The following RGS7 variants were observed in gnomAD, a reference collection of about 807,000 sequenced individuals.
The protein encoded by RGS7 is regulator of G-protein signaling 7.
In RGS7, 27 loss-of-function variants were observed where a neutral mutation model predicts 81.1. The ratio of observed to expected loss-of-function variants is 0.33; its 90% CI spans 0.25 to 0.46. The LOEUF is 0.46. Among genes scored for constraint, RGS7 ranks in the 20% least tolerant of loss-of-function variants. RGS7 has a pLI of 1.00. For synonymous variants in RGS7, 208 were observed against 207.7 expected, an observed-to-expected ratio of 1.00 and a Z score of -0.01; for missense variants, 396 against 607.4, an observed-to-expected ratio of 0.65 and a Z score of 3.66.
At chr1:241,352,215 C>A (rs1045800645) in intron 2 of RGS7, among the ~76,000 whole-genome samples, 2 of 152,212 alleles carry the variant, frequency 1.3e-5, no homozygotes, top group Non-Finnish European at 2.9e-5. Flanking sequence ...GTCACCTCTA[C>A]AGATTCTTCA....
intron 6 of RGS7, among the ~76,000 whole-genome samples, chr1:240,917,914 A>G (rs1440436617): frequency 6.6e-6 from 1 of 152,206 alleles, no homozygotes; most frequent in Non-Finnish European, 1.5e-5. Context: ...AGGATGAGGA[A>G]AGATATGCCA....
intron 2 of RGS7, among the ~76,000 whole-genome samples, chr1:241,173,438 T>G (rs2070877009): frequency 6.6e-6 from 1 of 152,214 alleles, no homozygotes; most frequent in South Asian, 2.1e-4. Flanking sequence ...AAAGCATGAT[T>G]GATTAGTCTG....
intron 2 of RGS7, among the ~76,000 whole-genome samples, chr1:241,263,375 C>G (rs1379915346): frequency 6.6e-6 from 1 of 152,126 alleles, no homozygotes; most frequent in Non-Finnish European, 1.5e-5. Context: ...GCCAACAGCC[C>G]TGTCTCTGGG....
At chr1:241,354,637 A>G (rs1259297137) in intron 2 of RGS7, among the ~76,000 whole-genome samples, 3 of 152,238 alleles carry the variant, frequency 2.0e-5, no homozygotes, top group Non-Finnish European at 4.4e-5. Context: ...TTAAAGTAGC[A>G]CATAGTCTTT....
intron 2 of RGS7, among the ~76,000 whole-genome samples, chr1:241,351,710 T>C (rs1051166643): frequency 1.3e-5 from 2 of 151,756 alleles, no homozygotes; most frequent in Non-Finnish European, 2.9e-5. Context: ...CACAGGAGAA[T>C]GGAGGAGAGA....
At chr1:241,309,663 G>T (rs1386289439) in intron 2 of RGS7, among the ~76,000 whole-genome samples, 1 of 152,158 alleles carries the variant, frequency 6.6e-6, no homozygotes, top group Admixed American at 6.5e-5. Context: ...GAATGTAAAG[G>T]TCTGAGGAAC....
chr1:241,330,372 C>G (rs912102108), intron 2 of RGS7, among the ~76,000 whole-genome samples: 1 of 152,190 alleles, frequency 6.6e-6, no homozygotes, highest in African/African-American at 2.4e-5. Flanking sequence ...CAAAAAACAA[C>G]ATGATGAAAA....
chr1:240,881,409 T>C (rs1353114748), intron 6 of RGS7, among the ~76,000 whole-genome samples: 3 of 151,890 alleles, frequency 2.0e-5, no homozygotes, highest in African/African-American at 4.8e-5. Context: ...AAATGACGAG[T>C]TAATGGGTGC....
At position 240,893,999 on chromosome 1, in the gene RGS7, G is replaced by C. The variant is rs139499752; in HGVS notation, c.386-23880C>G. 5.7e-3 allele frequency among the ~76,000 whole-genome samples: 866 copies of C among 152,134 alleles called. 11 individuals are homozygous for C. Among genetic ancestry groups the C allele is most frequent in the African/African-American group, 0.02 (819 of 41,512 alleles). ...TGCTTATAGAAGGCTATTTTTAGTA[G>C]ATCTCTTAGTGATGGTCTGTGAATG... On this transcript the variant is annotated intron_variant, in intron 6 of 18. Coordinates refer to ENST00000440928, the MANE Select transcript of RGS7 (RefSeq NM_001364886.1).
At chr1:240,972,816 T>A (rs1683451473) in intron 4 of RGS7, among the ~76,000 whole-genome samples, 1 of 146,742 alleles carries the variant, frequency 6.8e-6, no homozygotes, top group South Asian at 2.2e-4. Context: ...AGACCAGAGT[T>A]TGAGGCCAGC....
chr1:240,924,564 G>A (rs111684220), intron 6 of RGS7, among the ~76,000 whole-genome samples: 1,875 of 152,238 alleles, frequency 0.012, 32 homozygotes, highest in African/African-American at 0.041. Flanking sequence ...CAGAAAGTCT[G>A]TATCTCTCCC....
At chr1:240,932,183 C>T (rs993149559) in intron 5 of RGS7, among the ~76,000 whole-genome samples, 1 of 152,150 alleles carries the variant, frequency 6.6e-6, no homozygotes, top group Non-Finnish European at 1.5e-5. Context: ...AGAGGCCCCC[C>T]CGACTACCAT....
chr1:241,152,785 C>G (rs7528712), intron 2 of RGS7, among the ~76,000 whole-genome samples: 77,238 of 152,156 alleles, frequency 0.51, 23,754 homozygotes, highest in African/African-American at 0.88. Flanking sequence ...TGGCCAGCAA[C>G]GTTCCAGGGG....
intron 3 of RGS7, among the ~76,000 whole-genome samples, chr1:241,098,238 C>A (rs2064437642): frequency 6.6e-6 from 1 of 152,220 alleles, no homozygotes; most frequent in South Asian, 2.1e-4. Flanking sequence ...TTGGTGGTGA[C>A]AGCGGTCTTG....
intron 9 of RGS7, among the ~76,000 whole-genome samples, chr1:240,836,089 A>G (rs1292626944): frequency 2.7e-5 from 4 of 150,318 alleles, no homozygotes; most frequent in African/African-American, 9.7e-5. Flanking sequence ...TGCAGGTGAT[A>G]ATGATATATC....
intron 2 of RGS7, among the ~76,000 whole-genome samples, chr1:241,108,755 A>G (rs183519171): frequency 2.5e-3 from 381 of 152,296 alleles, no homozygotes; most frequent in African/African-American, 9.0e-3. Context: ...GGCAGAGCAC[A>G]CGAATACTTT....
chr1:240,960,214 C>CTTTTTTTT (rs1558526618), intron 4 of RGS7, among the ~76,000 whole-genome samples: 1 of 2,596 alleles, frequency 3.9e-4, no homozygotes, highest in African/African-American at 1.2e-3. Flanking sequence ...TCCTCTTCTT[C>CTTTTTTTT]TTCTTTTTTT....
At chr1:240,859,263 G>C (rs1020109253) in intron 9 of RGS7, among the ~76,000 whole-genome samples, 7 of 152,052 alleles carry the variant, frequency 4.6e-5, no homozygotes, top group Admixed American at 4.6e-4. Flanking sequence ...GCCTCCCAAA[G>C]TGCTGGGATT....
chr1:240,807,285 A>T (rs1476534886), intron 14 of RGS7, among the ~76,000 whole-genome samples: 1 of 152,228 alleles, frequency 6.6e-6, no homozygotes, highest in Non-Finnish European at 1.5e-5. Context: ...TGAGTATATC[A>T]TAATTTGTTA....
Sources: allele counts gnomAD v4.1 joint callset (sites outside exome capture counted in the v4.1 genomes callset), GRCh38; gene constraint gnomAD v4.1.1; transcripts MANE v1.5; gene names NCBI Gene and HGNC (gene_info 2026-07-23, HGNC 2026-07-21).